TRAF3: variants seen among roughly 807,000 people sequenced by gnomAD.
TRAF3 encodes TNF receptor-associated factor 3.
In TRAF3, 13 loss-of-function variants were observed where a neutral mutation model predicts 62.3. That is an observed-to-expected ratio of 0.21 (90% confidence interval 0.14 to 0.33). The LOEUF is 0.33. Among genes scored for constraint, TRAF3 ranks in the 10% least tolerant of loss-of-function variants. The probability of loss-of-function intolerance (pLI) is 1.00; values close to 1 mark genes in which losing one functional copy is unlikely to be tolerated. For missense variants in TRAF3, 440 were observed against 741.8 expected, an observed-to-expected ratio of 0.59 and a Z score of 4.73; for synonymous variants, 269 against 283.4, an observed-to-expected ratio of 0.95 and a Z score of 0.51.
chr14:102,845,619 C>G (rs1352862904), intron 2 of TRAF3, among the ~76,000 whole-genome samples: 1 of 150,512 alleles, frequency 6.6e-6, no homozygotes, highest in African/African-American at 2.4e-5. Context: ...AGGTTCATGC[C>G]ATTCTCCTGC....
intron 2 of TRAF3, among the ~76,000 whole-genome samples, chr14:102,837,116 A>ATT (rs201285416): frequency 2.8e-5 from 3 of 105,452 alleles, no homozygotes; most frequent in African/African-American, 1.3e-4. Flanking sequence ...TAAGCAAGTA[A>ATT]TTTGTGTGTG....
intron 9 of TRAF3, among the ~76,000 whole-genome samples, chr14:102,896,658 A>G (rs2139971733): frequency 6.6e-6 from 1 of 152,358 alleles, no homozygotes; most frequent in South Asian, 2.1e-4. Flanking sequence ...AGTTTTTAGC[A>G]AAAACTTGAA....
chr14:102,814,188 T>C (rs191976935), intron 1 of TRAF3, among the ~76,000 whole-genome samples: 198 of 152,344 alleles, frequency 1.3e-3, no homozygotes, highest in African/African-American at 4.0e-3. Context: ...CCCCAATGAA[T>C]GTTCTTGGCG....
At chr14:102,845,737 T>C (rs900131345) in intron 2 of TRAF3, among the ~76,000 whole-genome samples, 2 of 151,748 alleles carry the variant, frequency 1.3e-5, no homozygotes, top group South Asian at 4.2e-4. Flanking sequence ...AGGATGGTCT[T>C]GATCTCCTGA....
intron 1 of TRAF3, among the ~76,000 whole-genome samples, chr14:102,814,530 T>C (rs954008995): frequency 6.6e-4 from 101 of 151,990 alleles, no homozygotes; most frequent in Non-Finnish European, 1.2e-3. Flanking sequence ...TTTCTTTTTT[T>C]CCCCCCCAAG....
At chr14:102,865,523 G>GTTC (rs1887934085) in intron 2 of TRAF3, among the ~76,000 whole-genome samples, 1 of 129,816 alleles carries the variant, frequency 7.7e-6, no homozygotes. Context: ...TTTTTGAGAT[G>GTTC]GAGTCTCATT....
chr14:102,894,992 A>G (rs1889925938), intron 9 of TRAF3: 1 of 440,062 alleles, frequency 2.3e-6, no homozygotes, highest in Non-Finnish European at 4.6e-6. Context: ...ATGAGCCATC[A>G]CAGCTGGCCT....
intron 1 of TRAF3, among the ~76,000 whole-genome samples, chr14:102,807,394 T>C (rs957778815): frequency 1.3e-5 from 2 of 152,226 alleles, no homozygotes; most frequent in Non-Finnish European, 2.9e-5. Flanking sequence ...CCTGGAGTCC[T>C]GTTGCCTGTG....
chr14:102,848,348 G>C (rs554471585), intron 2 of TRAF3, among the ~76,000 whole-genome samples: 25 of 152,184 alleles, frequency 1.6e-4, no homozygotes, highest in Non-Finnish European at 3.2e-4. Flanking sequence ...CGGATCACTT[G>C]AGCCCAGGAG....
chr14:102,785,470 T>C (rs572966679), intron 1 of TRAF3, among the ~76,000 whole-genome samples: 4 of 152,364 alleles, frequency 2.6e-5, no homozygotes, highest in East Asian at 1.9e-4. Context: ...ATAATGATAG[T>C]ATTTAGTCAT....
intron 2 of TRAF3, among the ~76,000 whole-genome samples, chr14:102,841,318 G>C (rs66970053): frequency 0.39 from 59,036 of 152,074 alleles, 15,742 homozygotes; most frequent in African/African-American, 0.75. Context: ...TCTGCACGTG[G>C]CCAAGAGGAA....
At chr14:102,789,116 T>C (rs1897655598) in intron 1 of TRAF3, among the ~76,000 whole-genome samples, 1 of 152,134 alleles carries the variant, frequency 6.6e-6, no homozygotes, top group Admixed American at 6.5e-5. Flanking sequence ...AGGAATCATA[T>C]AACTTGTTTT....
chr14:102,895,700 C>A (rs1459166019), intron 9 of TRAF3, among the ~76,000 whole-genome samples: 1 of 152,174 alleles, frequency 6.6e-6, no homozygotes, highest in Non-Finnish European at 1.5e-5. Flanking sequence ...GAAAGAAACC[C>A]TCGTTGGAGT....
At chr14:102,787,719 T>C (rs546958582) in intron 1 of TRAF3, among the ~76,000 whole-genome samples, 1 of 151,526 alleles carries the variant, frequency 6.6e-6, no homozygotes, top group Non-Finnish European at 1.5e-5. Flanking sequence ...CTTCGATTTA[T>C]TCAGGCCTCT....
chr14:102,865,678 T>C (rs1022920632), intron 2 of TRAF3, among the ~76,000 whole-genome samples: 10 of 152,084 alleles, frequency 6.6e-5, no homozygotes, highest in Admixed American at 2.6e-4. Context: ...TTTTGTATTT[T>C]AGTAGAGACG....
chr14:102,817,663 A>G (rs7150301), intron 1 of TRAF3, among the ~76,000 whole-genome samples: 4,117 of 152,228 alleles, frequency 0.027, 164 homozygotes, highest in African/African-American at 0.092. Context: ...TAGGTATGCT[A>G]TGGAGTTAAA....
intron 1 of TRAF3, among the ~76,000 whole-genome samples, chr14:102,779,104 A>C (rs920552366): frequency 6.6e-6 from 1 of 152,208 alleles, no homozygotes. Flanking sequence ...GTGGGTGCTC[A>C]TGACGGAAAC....
At chr14:102,871,027 C>T (rs148672522) in intron 3 of TRAF3, among the ~76,000 whole-genome samples, 228 of 152,352 alleles carry the variant, frequency 1.5e-3, no homozygotes, top group African/African-American at 5.2e-3. Context: ...CAGAAGAGCA[C>T]CTTGATTCAC....
chr14:102,904,154 G>A lies in TRAF3; in HGVS notation c.1135+725G>A, dbSNP rs1372218683. On this transcript the variant is annotated intron_variant, in intron 11 of 11. Transcript: ENST00000392745. Reference sequence around the variant, plus strand: ...GGAGCACTCTGTCTTGGACCCTGCAGTGAGGTGTCCTTTGACACACAGGCA... The same window carrying A: ...GGAGCACTCTGTCTTGGACCCTGCAATGAGGTGTCCTTTGACACACAGGCA... Among the ~76,000 whole-genome samples the A allele has an allele frequency of 3.3e-5, 5 of 152,214 alleles. No homozygotes were observed. In the East Asian group the frequency reaches 9.6e-4, roughly 29 times the overall value.
Sources: gnomAD v4.1 joint callset for allele counts (sites outside exome capture counted in the v4.1 genomes callset) on GRCh38, gnomAD v4.1.1 for gene constraint, MANE v1.5 for transcripts, NCBI Gene and HGNC (gene_info 2026-07-23, HGNC 2026-07-21) for gene names.